Variants in HECW1 observed in about 807,000 individuals in gnomAD.
The protein encoded by HECW1 is E3 ubiquitin-protein ligase HECW1.
A neutral mutation model predicts 182.3 loss-of-function variants in HECW1; 61 were observed. The ratio of observed to expected loss-of-function variants is 0.33; its 90% confidence interval spans 0.27 to 0.41. HECW1 has a LOEUF of 0.41. Among genes scored for constraint, HECW1 ranks in the 10% least tolerant of loss-of-function variants. The pLI is 1.00. For synonymous variants in HECW1, 859 were observed against 832.6 expected, an observed-to-expected ratio of 1.03 and a Z score of -0.55; for missense variants, 1,739 against 2,108.9, an observed-to-expected ratio of 0.82 and a Z score of 3.44.
intron 24 of HECW1, among the ~76,000 whole-genome samples, chr7:43,532,547 C>G (rs1027724872): frequency 6.6e-6 from 1 of 152,232 alleles, no homozygotes; most frequent in East Asian, 1.9e-4. Flanking sequence ...TGCCATTTCC[C>G]CCTTCTCTCT....
intron 3 of HECW1, among the ~76,000 whole-genome samples, chr7:43,301,788 T>C (rs757582454): frequency 1.7e-4 from 26 of 150,682 alleles, no homozygotes; most frequent in Non-Finnish European, 3.2e-4. Context: ...AGCAGGAGAA[T>C]CTCTTGAACC....
intron 7 of HECW1, among the ~76,000 whole-genome samples, chr7:43,397,799 A>G (rs918444236): frequency 1.3e-5 from 2 of 152,188 alleles, no homozygotes; most frequent in African/African-American, 2.4e-5. Context: ...GCTTCAGGTC[A>G]TCTGGATGTA....
chr7:43,363,487 G>A (rs1235136222), intron 6 of HECW1, among the ~76,000 whole-genome samples: 1 of 152,170 alleles, frequency 6.6e-6, no homozygotes, highest in East Asian at 1.9e-4. Flanking sequence ...ACACAAATCA[G>A]TAGACACTTG....
chr7:43,457,991 C>T (rs2077459804), intron 13 of HECW1, among the ~76,000 whole-genome samples: 1 of 152,122 alleles, frequency 6.6e-6, no homozygotes, highest in African/African-American at 2.4e-5. Flanking sequence ...ATTGGCAGCA[C>T]ACTTTACAAT....
chr7:43,498,157 C>G (rs2079188392), intron 19 of HECW1, among the ~76,000 whole-genome samples: 1 of 152,172 alleles, frequency 6.6e-6, no homozygotes, highest in African/African-American at 2.4e-5. Context: ...CCAGACATGA[C>G]AGAGGATATA....
At position 43,222,258 on chromosome 7, in the gene HECW1, G is replaced by GT. The variant is rs1305107072; in HGVS notation, c.-31-21609dup. Among the ~76,000 whole-genome samples, 8 of 151,872 alleles carry GT rather than the reference G, an allele frequency of 5.3e-5. No individual in the cohort carries two copies. In the South Asian group the frequency reaches 1.3e-3, roughly 24 times the overall value. On this transcript the variant is annotated intron_variant, in intron 2 of 29. Transcript: ENST00000395891. ...GCCTGGATCCATTCAGAGAACCTGGGTTTTTTTTGCTCTGAAAATAAGAAG... is the reference window on the plus strand; with the variant it reads ...GCCTGGATCCATTCAGAGAACCTGGGTTTTTTTTTGCTCTGAAAATAAGAAG...
chr7:43,242,325 G>A (rs1308721020), intron 2 of HECW1, among the ~76,000 whole-genome samples: 2 of 152,144 alleles, frequency 1.3e-5, no homozygotes, highest in Admixed American at 6.5e-5. Context: ...CGCTGGAGGA[G>A]GCAGAAATGG....
At chr7:43,276,135 T>G (rs1803112996) in intron 3 of HECW1, among the ~76,000 whole-genome samples, 1 of 152,218 alleles carries the variant, frequency 6.6e-6, no homozygotes, top group Non-Finnish European at 1.5e-5. Context: ...TTTTCTTGTC[T>G]GTGTAAGGGA....
chr7:43,494,753 A>G (rs1219138100), intron 19 of HECW1, among the ~76,000 whole-genome samples: 1 of 152,150 alleles, frequency 6.6e-6, no homozygotes, highest in African/African-American at 2.4e-5. Context: ...ACCTCAAGGG[A>G]TCCACCCATC....
chr7:43,295,835 G>A (rs1805978548), intron 3 of HECW1, among the ~76,000 whole-genome samples: 1 of 152,098 alleles, frequency 6.6e-6, no homozygotes, highest in African/African-American at 2.4e-5. Context: ...CAGATAAACA[G>A]AGAAAGATGC....
intron 13 of HECW1, among the ~76,000 whole-genome samples, chr7:43,458,474 C>G (rs2077475608): frequency 6.6e-6 from 1 of 152,198 alleles, no homozygotes; most frequent in Admixed American, 6.5e-5. Context: ...CTCCTGTGCC[C>G]TCCAGTGGAG....
chr7:43,300,312 C>G (rs533757383), intron 3 of HECW1, among the ~76,000 whole-genome samples: 1 of 152,158 alleles, frequency 6.6e-6, no homozygotes, highest in South Asian at 2.1e-4. Flanking sequence ...GTGGCTAAGG[C>G]GTGTGGCAGC....
At chr7:43,142,094 T>C (rs1788216068) in intron 2 of HECW1, among the ~76,000 whole-genome samples, 2 of 152,204 alleles carry the variant, frequency 1.3e-5, no homozygotes, top group Admixed American at 1.3e-4. Flanking sequence ...GAAAATTCTC[T>C]GAGGACTTGA....
chr7:43,382,312 G>A (rs1460921070), intron 6 of HECW1, among the ~76,000 whole-genome samples: 3 of 151,548 alleles, frequency 2.0e-5, no homozygotes, highest in Non-Finnish European at 4.4e-5. Flanking sequence ...AAAAATAGAA[G>A]CCCCTTCAGA....
chr7:43,450,182 G>A (rs1417474007), intron 11 of HECW1, among the ~76,000 whole-genome samples: 1 of 151,872 alleles, frequency 6.6e-6, no homozygotes, highest in Non-Finnish European at 1.5e-5. Flanking sequence ...ACCCTGGCTT[G>A]TCTGATTTCT....
chr7:43,232,702 A>C (rs1797991614), intron 2 of HECW1, among the ~76,000 whole-genome samples: 1 of 152,226 alleles, frequency 6.6e-6, no homozygotes, highest in South Asian at 2.1e-4. Flanking sequence ...AGTGAACATC[A>C]CATTTAATTG....
chr7:43,226,798 G>T lies in HECW1; in HGVS notation c.-31-17077G>T, dbSNP rs142596090. On this transcript the variant is annotated intron_variant, in intron 2 of 29. Transcript: ENST00000395891. ...AATGCTGCCCTCCGAAGAGCCTGGC[G>T]TCTCCCGCACATGGGCGCCCTCTGC... 2.0e-3 allele frequency among the ~76,000 whole-genome samples: 312 copies of T among 152,290 alleles called. 1 individual carries two copies. Among genetic ancestry groups the T allele is most frequent in the African/African-American group, 7.0e-3 (291 of 41,568 alleles).
In HECW1 at chr7:43,257,833, T is replaced by C. The variant is rs150265387; in HGVS notation, c.27+13901T>C. 4.0e-5 allele frequency among the ~76,000 whole-genome samples: 6 copies of C among 148,414 alleles called. No individual in the cohort carries two copies. In the East Asian group the frequency reaches 9.7e-4, roughly 24 times the overall value. On this transcript the variant is annotated intron_variant, in intron 3 of 29. Transcript: ENST00000395891. ...GCCTCTCTATGTCTTAATTTATTCATATGCAATTAGAAATAAGAAGAAGAA... is the reference window on the plus strand; with the variant it reads ...GCCTCTCTATGTCTTAATTTATTCACATGCAATTAGAAATAAGAAGAAGAA...
At chr7:43,507,289 G>T in intron 22 of HECW1, 32 bp downstream of exon 22, 1 of 1,605,394 alleles carries the variant, frequency 6.2e-7, no homozygotes, top group Non-Finnish European at 8.5e-7. Flanking sequence ...ACTGAATTCA[G>T]ACAGTAGATT....
Sources: allele counts gnomAD v4.1 joint callset (sites outside exome capture counted in the v4.1 genomes callset), GRCh38; gene constraint gnomAD v4.1.1; transcripts MANE v1.5; gene names NCBI Gene and HGNC (gene_info 2026-07-23, HGNC 2026-07-21).